ATXN7L1: variants seen among roughly 807,000 people sequenced by gnomAD.
ATXN7L1 encodes the protein ataxin-7-like protein 1.
ATXN7L1 carries 15 observed loss-of-function variants against 70.8 expected under a neutral mutation model. The ratio of observed to expected loss-of-function variants is 0.21; its 90% CI spans 0.14 to 0.33. ATXN7L1 has a LOEUF of 0.33. ATXN7L1 is among the 10% of genes least tolerant of loss of function. ATXN7L1 has a pLI of 1.00. For missense variants in ATXN7L1, 975 were observed against 1,097.1 expected, an observed-to-expected ratio of 0.89 and a Z score of 1.57; for synonymous variants, 440 against 445.1, an observed-to-expected ratio of 0.99 and a Z score of 0.14.
At chr7:105,642,726 C>G in intron 5 of ATXN7L1, 112 bp downstream of exon 5, 1 of 1,304,234 alleles carries the variant, frequency 7.7e-7, no homozygotes, top group Non-Finnish European at 1.0e-6. Context: ...TCTGCATCCC[C>G]CTTAAAATGA....
rs1802425911 is a variant in ATXN7L1, at chr7:105,665,155, C to T, written c.489G>A (p.Lys163=). Reference sequence around the variant, plus strand: ...GATTGTCTTTGGGCGTTTTGAATGGCTTTGAGGTGCTGCTGGCAGAGTGAT... The same window carrying T: ...GATTGTCTTTGGGCGTTTTGAATGGTTTTGAGGTGCTGCTGGCAGAGTGAT... ...SGHHSASSTS[K]PFKTPKDNLL... Residue 163 remains lysine (K), a synonymous_variant, in exon 4 of 12, where the codon AAG becomes AAA. Coordinates refer to ENST00000419735, the MANE Select transcript of ATXN7L1 (RefSeq NM_020725.2). The T allele has an allele frequency of 8.4e-6, 13 of 1,551,584 alleles. No homozygotes were observed. Among genetic ancestry groups the T allele is most frequent in the Non-Finnish European group, 1.1e-5 (13 of 1,147,012 alleles).
At chr7:105,624,360 G>A in intron 7 of ATXN7L1, 93 bp from the exon 8 acceptor site, 1 of 1,214,330 alleles carries the variant, frequency 8.2e-7, no homozygotes, top group Non-Finnish European at 1.1e-6. Flanking sequence ...TCAGAAAACA[G>A]CCTGATTAAG....
chr7:105,664,588 T>TATATA (rs1388359970), intron 4 of ATXN7L1, among the ~76,000 whole-genome samples: 2 of 147,712 alleles, frequency 1.4e-5, no homozygotes, highest in East Asian at 2.0e-4. Flanking sequence ...TATATATATA[T>TATATA]TTGAGACAGA....
intron 3 of ATXN7L1, among the ~76,000 whole-genome samples, chr7:105,756,002 G>C (rs117591889): frequency 2.0e-5 from 3 of 152,154 alleles, no homozygotes; most frequent in Admixed American, 1.3e-4. Flanking sequence ...CACAGTCTTT[G>C]TGTCCTTGTG....
chr7:105,720,424 A>G (rs1435755674), intron 3 of ATXN7L1, among the ~76,000 whole-genome samples: 1 of 152,046 alleles, frequency 6.6e-6, no homozygotes, highest in Non-Finnish European at 1.5e-5. Flanking sequence ...GGTACCGTTC[A>G]TTCATTCATT....
chr7:105,764,954 G>A (rs1053680663), intron 3 of ATXN7L1, among the ~76,000 whole-genome samples: 64 of 152,090 alleles, frequency 4.2e-4, no homozygotes, highest in African/African-American at 1.4e-3. Flanking sequence ...TTATTTCAAA[G>A]ATTCACTTAG....
chr7:105,654,181 A>G (rs1800269839), intron 4 of ATXN7L1, among the ~76,000 whole-genome samples: 1 of 152,210 alleles, frequency 6.6e-6, no homozygotes, highest in Admixed American at 6.5e-5. Flanking sequence ...ACATAACACA[A>G]TAAAAACCAA....
chr7:105,846,277 C>T (rs1005465577), intron 2 of ATXN7L1, among the ~76,000 whole-genome samples: 2 of 151,900 alleles, frequency 1.3e-5, no homozygotes, highest in African/African-American at 4.8e-5. Flanking sequence ...AGATTGAAGC[C>T]ACCGTCGGCA....
Position 105,620,251 on chromosome 7 carries a change from C to A in ATXN7L1, c.1466G>T (p.Arg489Leu). ...YVFDRRWDRF[R>L]FALNSMVEKH... The stretch of plus-strand genomic sequence containing the variant: ...TTCTACCATGGAGTTTAGTGCGAAT[C>A]GAAAACGATCCCATCTTCTATCAAA... Residue 489 changes from arginine (R) to leucine (L), a missense_variant, in exon 9 of 12, where the codon CGA becomes CTA. By Grantham distance (102) the Arg-to-Leu change is moderately radical (BLOSUM62 -2). Around this residue, in one of 5 missense-constraint regions of ATXN7L1, gnomAD observed 635 missense variants for 699.4 expected, o/e 0.91. Transcript: ENST00000419735. 6.4e-7 allele frequency: 1 copy of A among 1,551,414 alleles called. No homozygotes were observed. The highest frequency in any genetic ancestry group is 1.2e-5 in the South Asian group (1 of 84,046).
chr7:105,740,784 T>TTTTTTTTTTTTTTTTTTTTTTTTTGAG (rs556048408), intron 3 of ATXN7L1, among the ~76,000 whole-genome samples: 1 of 77,926 alleles, frequency 1.3e-5, no homozygotes, highest in African/African-American at 6.1e-5. Flanking sequence ...TTTTTTTTTT[T>TTTTTTTTTTTTTTTTTTTTTTTTTGAG]AATGGAGTCT....
chr7:105,628,851 T>C (rs1796148793), intron 7 of ATXN7L1, among the ~76,000 whole-genome samples: 1 of 151,308 alleles, frequency 6.6e-6, no homozygotes. Context: ...TTGTGTATAT[T>C]TAAGGTATAC....
intron 3 of ATXN7L1, among the ~76,000 whole-genome samples, chr7:105,709,344 A>G (rs1362453690): frequency 2.3e-5 from 3 of 132,022 alleles, no homozygotes; most frequent in Admixed American, 7.8e-5. Context: ...CACAAAAAAA[A>G]GAATTTTTTT....
At chr7:105,853,580 A>G (rs904108258) in intron 2 of ATXN7L1, among the ~76,000 whole-genome samples, 1 of 146,012 alleles carries the variant, frequency 6.8e-6, no homozygotes, top group African/African-American at 2.6e-5. Flanking sequence ...AAAAACAACA[A>G]ACAAACAAAA....
chr7:105,722,351 C>A (rs112409246), intron 3 of ATXN7L1, among the ~76,000 whole-genome samples: 26 of 151,856 alleles, frequency 1.7e-4, no homozygotes, highest in Admixed American at 9.2e-4. Flanking sequence ...CACCTGAGGT[C>A]GGGAGTTCAA....
intron 2 of ATXN7L1, among the ~76,000 whole-genome samples, chr7:105,813,700 G>A (rs910960379): frequency 6.6e-6 from 1 of 151,916 alleles, no homozygotes; most frequent in Admixed American, 6.6e-5. Context: ...CTGAAATTAA[G>A]TTTTTTTTCC....
At chr7:105,655,126 CTG>C (rs1800417163) in intron 4 of ATXN7L1, among the ~76,000 whole-genome samples, 1 of 152,180 alleles carries the variant, frequency 6.6e-6, no homozygotes, top group Admixed American at 6.5e-5. Context: ...CTGAGCACTT[CTG>C]TGACTTCACA....
chr7:105,675,518 G>A (rs952016058), intron 3 of ATXN7L1, among the ~76,000 whole-genome samples: 2 of 152,010 alleles, frequency 1.3e-5, no homozygotes, highest in African/African-American at 2.4e-5. Flanking sequence ...CCCGCTACTC[G>A]GGAGGTTGAG....
At chr7:105,851,737 G>A (rs191622722) in intron 2 of ATXN7L1, among the ~76,000 whole-genome samples, 1 of 152,142 alleles carries the variant, frequency 6.6e-6, no homozygotes, top group East Asian at 1.9e-4. Flanking sequence ...TGTTGAAAGG[G>A]CGAAGAAGTC....
intron 3 of ATXN7L1, among the ~76,000 whole-genome samples, chr7:105,736,935 T>A (rs1797445796): frequency 6.6e-6 from 1 of 152,242 alleles, no homozygotes; most frequent in South Asian, 2.1e-4. Flanking sequence ...GGTATTCAGG[T>A]CATGCTGGCT....
Sources: allele counts gnomAD v4.1 joint callset (sites outside exome capture counted in the v4.1 genomes callset), GRCh38; gene constraint gnomAD v4.1.1; regional missense constraint gnomAD v4.1.1; transcripts MANE v1.5; gene names NCBI Gene and HGNC (gene_info 2026-07-23, HGNC 2026-07-21).